SYNE1: variants seen among roughly 807,000 people sequenced by gnomAD.
SYNE1 encodes nesprin-1.
SYNE1 carries 616 observed loss-of-function variants against 1,111.0 expected under a neutral mutation model. The observed-to-expected ratio is 0.55, with a 90% CI of 0.52 to 0.59. The LOEUF (loss-of-function observed/expected upper bound fraction) is 0.59, where lower values mean the gene tolerates loss of function less well. SYNE1 is among the 20% of genes least tolerant of loss of function. SYNE1 has a pLI of 0.00. For synonymous variants in SYNE1, 3,855 were observed against 3,825.8 expected, an observed-to-expected ratio of 1.01 and a Z score of -0.28; for missense variants, 10,006 against 10,417.0, an observed-to-expected ratio of 0.96 and a Z score of 1.72.
chr6:152,480,269 C>T (rs11155854), intron 14 of SYNE1, among the ~76,000 whole-genome samples: 79,055 of 152,058 alleles, frequency 0.52, 22,322 homozygotes, highest in East Asian at 0.76. Flanking sequence ...GCCTGTCATC[C>T]CAGCGCTTTG....
intron 70 of SYNE1, 81 bp downstream of exon 70, chr6:152,351,946 G>A: frequency 2.3e-6 from 3 of 1,332,644 alleles, no homozygotes; most frequent in Non-Finnish European, 3.2e-6. Flanking sequence ...TGTTACGGGT[G>A]ACACCCAGCA....
At chr6:152,254,816 C>T (rs1351244406) in intron 104 of SYNE1, 64 bp downstream of exon 104, 4 of 1,434,834 alleles carry the variant, frequency 2.8e-6, no homozygotes, top group African/African-American at 1.4e-5. Context: ...AACACAGACT[C>T]GTGACTGACT....
chr6:152,487,655 C>G (rs1341443603), intron 12 of SYNE1, among the ~76,000 whole-genome samples: 1 of 152,128 alleles, frequency 6.6e-6, no homozygotes, highest in Non-Finnish European at 1.5e-5. Flanking sequence ...CGAAACTGAT[C>G]CCTTTAATGG....
intron 133 of SYNE1, among the ~76,000 whole-genome samples, chr6:152,153,981 A>G (rs1563068890): frequency 6.6e-6 from 1 of 152,234 alleles, no homozygotes; most frequent in Non-Finnish European, 1.5e-5. Flanking sequence ...AAATGAATGC[A>G]GCTACATTTC....
At chr6:152,152,650 C>A (rs546658911) in intron 133 of SYNE1, among the ~76,000 whole-genome samples, 65 of 152,210 alleles carry the variant, frequency 4.3e-4, no homozygotes, top group African/African-American at 1.5e-3. Flanking sequence ...TTCTGCTGTC[C>A]ATTAGGAAAA....
intron 91 of SYNE1, among the ~76,000 whole-genome samples, chr6:152,304,227 C>T (rs571452985): frequency 1.3e-5 from 2 of 152,302 alleles, no homozygotes; most frequent in East Asian, 3.9e-4. Context: ...CTAGTTAATA[C>T]TAGAAAAGAG....
chr6:152,332,506 T>C (rs527959609), intron 77 of SYNE1, among the ~76,000 whole-genome samples: 46 of 152,326 alleles, frequency 3.0e-4, no homozygotes, highest in Middle Eastern at 3.4e-3. Context: ...GAGCAGAATC[T>C]ATATGGTAAC....
At chr6:152,159,249 GCTT>G (rs1188569080) in intron 131 of SYNE1, among the ~76,000 whole-genome samples, 1 of 152,206 alleles carries the variant, frequency 6.6e-6, no homozygotes, top group African/African-American at 2.4e-5. Context: ...TGTGCTCAGT[GCTT>G]CTTCTTAGTA....
intron 98 of SYNE1, among the ~76,000 whole-genome samples, chr6:152,270,555 C>T (rs2093116057): frequency 6.6e-6 from 1 of 152,224 alleles, no homozygotes; most frequent in South Asian, 2.1e-4. Context: ...AAATGTTGCA[C>T]ATCAAATGGG....
intron 3 of SYNE1, among the ~76,000 whole-genome samples, chr6:152,594,255 G>A (rs572177908): frequency 2.8e-4 from 42 of 152,254 alleles, no homozygotes; most frequent in Non-Finnish European, 5.3e-4. Flanking sequence ...ATGGACAGGG[G>A]ACATAAGAGT....
intron 45 of SYNE1, among the ~76,000 whole-genome samples, chr6:152,406,503 T>C (rs894533336): frequency 3.9e-5 from 6 of 152,130 alleles, no homozygotes; most frequent in Admixed American, 1.3e-4. Context: ...AAAACCCTTT[T>C]ATTCATAACC....
At chr6:152,322,994 C>T (rs1442502450) in intron 82 of SYNE1, among the ~76,000 whole-genome samples, 2 of 152,160 alleles carry the variant, frequency 1.3e-5, no homozygotes, top group African/African-American at 4.8e-5. Flanking sequence ...ACCATCGTAT[C>T]TCTAAGTACT....
rs572967155 is a variant in SYNE1 at position 152,398,849 on chromosome 6, G to C, written c.7238-118C>G. The C allele has an allele frequency of 2.2e-4, 156 of 696,734 alleles. 1 individual carries two copies. In the East Asian group the frequency reaches 4.3e-3, roughly 19 times the overall value. The allele number at this position is 696,734 out of a possible 1,614,324, so 43.2% of individuals were successfully genotyped here. On this transcript the variant is annotated intron_variant, in intron 48 of 145. Transcript: ENST00000367255. Reference sequence around the variant, plus strand: ...TCTGGCCTTTAGCTCATCTCCTCTTGCCTTACAAAATATTCCACAAAGAAA... The same window carrying C: ...TCTGGCCTTTAGCTCATCTCCTCTTCCCTTACAAAATATTCCACAAAGAAA...
In SYNE1 at chr6:152,333,859, C is replaced by CT. The variant is rs2096310916; in HGVS notation, c.12794+148dup. 3.8e-5 allele frequency: 40 copies of CT among 1,059,450 alleles called. 1 individual carries two copies. Among genetic ancestry groups the CT allele is most frequent in the South Asian group, 2.9e-4 (22 of 76,732 alleles). 65.6% of individuals were successfully genotyped at this position (1,059,450 alleles called of 1,614,324 possible). ...TGTTGTCCAGGCTGGTCTCGAACTC[C>CT]TGACCTCAACTAATCCACCCGCCTC... On this transcript the variant is annotated intron_variant, in intron 77 of 145. Coordinates refer to ENST00000367255, the MANE Select transcript of SYNE1 (RefSeq NM_182961.4).
In SYNE1 at chr6:152,156,073, G is replaced by A. The variant is rs765631862; in HGVS notation, c.23815C>T (p.His7939Tyr). ...QQELQRDIEK[H>Y]STGVASVLNL... ...AGGACAGATGCAACACCTGTACTGT[G>A]CTTCTCTATGTCTCTCTGAAGCTCC... The change falls in exon 132 of 146, where the codon CAC becomes TAC. Residue 7939 changes from histidine (H) to tyrosine (Y), a missense_variant. By Grantham distance (83) the His-to-Tyr change is moderately conservative. Around this residue, in one of 7 missense-constraint regions of SYNE1, gnomAD observed 2,182 missense variants for 2,287.8 expected, o/e 0.95. Coordinates refer to ENST00000367255, the MANE Select transcript of SYNE1 (RefSeq NM_182961.4). 1.5e-5 allele frequency: 24 copies of A among 1,614,198 alleles called. No homozygotes were observed. Among genetic ancestry groups the A allele is most frequent in the Admixed American group, 5.0e-5 (3 of 60,028 alleles).
chr6:152,156,032 G>C lies in SYNE1; in HGVS notation c.23856C>G (p.Val7952=), dbSNP rs772056716. 2 of 1,614,136 alleles carry C rather than the reference G, an allele frequency of 1.2e-6. No individual in the cohort carries two copies. The highest frequency in any genetic ancestry group is 3.3e-5 in the Admixed American group (2 of 60,018). ...GVASVLNLCE[V]LLHDCDACAT... ...CACAGGCGTCACAGTCGTGCAGCAG[G>C]ACTTCACACAGGTTGAGGACAGATG... The change falls in exon 132 of 146, where the codon GTC becomes GTG. Residue 7952 remains valine (V), a synonymous_variant. Transcript: ENST00000367255.
chr6:152,573,715 AG>A (rs1363507725), intron 3 of SYNE1, among the ~76,000 whole-genome samples: 3 of 152,198 alleles, frequency 2.0e-5, no homozygotes, highest in African/African-American at 7.2e-5. Context: ...TCCCTATAAA[AG>A]TCTGTTACCT....
At chr6:152,153,619 G>A (rs914319406) in intron 133 of SYNE1, among the ~76,000 whole-genome samples, 1 of 152,206 alleles carries the variant, frequency 6.6e-6, no homozygotes, top group Non-Finnish European at 1.5e-5. Flanking sequence ...AAGGGAGTGT[G>A]TAAGATGCAG....
intron 34 of SYNE1, among the ~76,000 whole-genome samples, chr6:152,432,355 A>G (rs1460845248): frequency 6.6e-6 from 1 of 152,162 alleles, no homozygotes; most frequent in East Asian, 1.9e-4. Flanking sequence ...GAAATAAAAC[A>G]TGAACCTAAT....
Sources: allele counts gnomAD v4.1 joint callset (sites outside exome capture counted in the v4.1 genomes callset), GRCh38; gene constraint gnomAD v4.1.1; regional missense constraint gnomAD v4.1.1; transcripts MANE v1.5; gene names NCBI Gene and HGNC (gene_info 2026-07-23, HGNC 2026-07-21).